The following SESTD1 variants were observed in gnomAD, a reference collection of about 807,000 sequenced individuals.
The protein encoded by SESTD1 is SEC14 domain and spectrin repeat-containing protein 1.
A neutral mutation model predicts 101.7 loss-of-function variants in SESTD1; 43 were observed. The observed-to-expected ratio is 0.42, with a 90% CI of 0.33 to 0.55. The LOEUF (loss-of-function observed/expected upper bound fraction) is 0.55. SESTD1 is among the 20% of genes least tolerant of loss of function. The pLI is 0.07. For missense variants in SESTD1, 647 were observed against 815.1 expected (o/e 0.79, Z 2.51); for synonymous variants, 283 against 286.8 (o/e 0.99, Z 0.13).
At chr2:179,148,672 A>G (rs1383544881) in intron 7 of SESTD1, among the ~76,000 whole-genome samples, 1 of 152,248 alleles carries the variant, frequency 6.6e-6, no homozygotes, top group Non-Finnish European at 1.5e-5. Flanking sequence ...ACCAGGAAAG[A>G]AGATAACTCT....
intron 3 of SESTD1, among the ~76,000 whole-genome samples, chr2:179,179,996 G>A (rs922738405): frequency 5.3e-5 from 8 of 152,064 alleles, no homozygotes; most frequent in African/African-American, 1.2e-4. Context: ...ATCATCTCTG[G>A]TAAAATATCT....
At chr2:179,235,581 C>T (rs964622141) in intron 1 of SESTD1, among the ~76,000 whole-genome samples, 1 of 152,168 alleles carries the variant, frequency 6.6e-6, no homozygotes, top group Non-Finnish European at 1.5e-5. Context: ...TTTTCCTGTA[C>T]CCTCTACATG....
intron 17 of SESTD1, 45 bp from the exon 18 acceptor site, chr2:179,110,073 T>C (rs1354561992): frequency 6.3e-7 from 1 of 1,599,874 alleles, no homozygotes; most frequent in South Asian, 1.1e-5. Context: ...AATACAAATC[T>C]ATTAACTGCA....
chr2:179,193,928 T>C (rs565134235), intron 1 of SESTD1, among the ~76,000 whole-genome samples: 7 of 152,342 alleles, frequency 4.6e-5, no homozygotes, highest in Non-Finnish European at 1.0e-4. Flanking sequence ...TGACCTTTTC[T>C]GTTGCAACTC....
chr2:179,145,683 C>A (rs1369733586), intron 8 of SESTD1, among the ~76,000 whole-genome samples: 1 of 152,108 alleles, frequency 6.6e-6, no homozygotes. Flanking sequence ...GTTTTTACAT[C>A]GATGATTATA....
chr2:179,191,046 A>T (rs1319313676), intron 2 of SESTD1, among the ~76,000 whole-genome samples: 1 of 152,190 alleles, frequency 6.6e-6, no homozygotes, highest in Non-Finnish European at 1.5e-5. Flanking sequence ...TGGGATTGCT[A>T]CCATTCAATC....
chr2:179,197,967 T>C (rs1574028949), intron 1 of SESTD1, among the ~76,000 whole-genome samples: 1 of 151,656 alleles, frequency 6.6e-6, no homozygotes, highest in South Asian at 2.1e-4. Flanking sequence ...CAATATTAAC[T>C]TTAAATGTAA....
chr2:179,122,781 A>G (rs1268380487), intron 12 of SESTD1, among the ~76,000 whole-genome samples: 1 of 152,158 alleles, frequency 6.6e-6, no homozygotes, highest in African/African-American at 2.4e-5. Flanking sequence ...CTGTAATCCC[A>G]GCTACTTAGG....
At chr2:179,170,627 T>A (rs1382263982) in intron 5 of SESTD1, among the ~76,000 whole-genome samples, 1 of 152,096 alleles carries the variant, frequency 6.6e-6, no homozygotes, top group Non-Finnish European at 1.5e-5. Context: ...TTTTTTTGGA[T>A]GTTAGTAAGA....
intron 8 of SESTD1, among the ~76,000 whole-genome samples, chr2:179,145,242 A>AT (rs1424508554): frequency 1.3e-5 from 2 of 152,006 alleles, no homozygotes; most frequent in Non-Finnish European, 2.9e-5. Context: ...TTTCTTGTCG[A>AT]TATCATTTTC....
At chr2:179,186,060 A>G (rs1036079572) in intron 2 of SESTD1, among the ~76,000 whole-genome samples, 5 of 146,734 alleles carry the variant, frequency 3.4e-5, no homozygotes, top group Non-Finnish European at 6.0e-5. Context: ...ACAATATAGT[A>G]TATTATATAC....
At chr2:179,214,316 G>A (rs1370269868) in intron 1 of SESTD1, among the ~76,000 whole-genome samples, 2 of 133,830 alleles carry the variant, frequency 1.5e-5, no homozygotes, top group East Asian at 2.0e-4. Context: ...GCAAAAAAAA[G>A]CAAAGGTTGA....
intron 5 of SESTD1, among the ~76,000 whole-genome samples, chr2:179,153,398 T>G (rs2045566308): frequency 6.6e-6 from 1 of 152,122 alleles, no homozygotes; most frequent in African/African-American, 2.4e-5. Flanking sequence ...AAGGAAGATG[T>G]GGGAGAGAAA....
intron 5 of SESTD1, among the ~76,000 whole-genome samples, chr2:179,155,433 AG>A (rs970211454): frequency 6.6e-6 from 1 of 152,132 alleles, no homozygotes; most frequent in African/African-American, 2.4e-5. Flanking sequence ...ACATCTGAAA[AG>A]ATAAAATCCC....
Position 179,106,309 on chromosome 2 carries a change from C to T in SESTD1, c.*3590G>A, listed in dbSNP as rs2044381013. On this transcript the variant is annotated 3_prime_UTR_variant, in exon 18 of 18. Transcript: ENST00000428443. ...CCACAGTATGTTTAGTTTTTAGTAG[C>T]AACAGTATTTTACTACGGCCTTGTG... The T allele has an allele frequency of 6.6e-6, 1 of 152,138 alleles. No homozygotes were observed. Among genetic ancestry groups the T allele is most frequent in the Non-Finnish European group, 1.5e-5 (1 of 68,028 alleles). 9.4% of individuals were successfully genotyped at this position (152,138 alleles called of 1,614,324 possible). A position where few individuals can be genotyped will look rare whatever the true frequency, so the allele number is the denominator to read the frequency against.
chr2:179,162,006 G>A (rs1320960051), intron 5 of SESTD1, among the ~76,000 whole-genome samples: 3 of 152,096 alleles, frequency 2.0e-5, no homozygotes, highest in Non-Finnish European at 4.4e-5. Context: ...TACACACTTA[G>A]TAATAATTGT....
intron 1 of SESTD1, among the ~76,000 whole-genome samples, chr2:179,199,801 T>C (rs1263582503): frequency 6.6e-6 from 1 of 152,222 alleles, no homozygotes; most frequent in African/African-American, 2.4e-5. Context: ...TGATGGGACA[T>C]ATTTCAAAAT....
At chr2:179,127,738 A>G (rs1464513918) in intron 10 of SESTD1, among the ~76,000 whole-genome samples, 6 of 152,330 alleles carry the variant, frequency 3.9e-5, no homozygotes, top group Non-Finnish European at 8.8e-5. Context: ...TGGTGATGAT[A>G]ATATCTGTCT....
chr2:179,169,198 G>A (rs1184336477), intron 5 of SESTD1, among the ~76,000 whole-genome samples: 6 of 152,042 alleles, frequency 3.9e-5, no homozygotes, highest in Non-Finnish European at 8.8e-5. Flanking sequence ...ACTATATGGT[G>A]TCTACAAAAA....
Sources: gnomAD v4.1 joint callset for allele counts (sites outside exome capture counted in the v4.1 genomes callset) on GRCh38, gnomAD v4.1.1 for gene constraint, MANE v1.5 for transcripts, NCBI Gene and HGNC (gene_info 2026-07-23, HGNC 2026-07-21) for gene names.